The following ELAVL2 variants were observed in gnomAD, a reference collection of about 807,000 sequenced individuals.
ELAVL2 encodes the protein ELAV like RNA binding protein 2, also known as ELAV-like protein 2.
ELAVL2 carries 4 observed loss-of-function variants against 34.6 expected under a neutral mutation model. The observed-to-expected ratio is 0.12, with a 90% CI of 0.06 to 0.26. The LOEUF is 0.26. ELAVL2 is among the 10% of genes least tolerant of loss of function. The probability of loss-of-function intolerance (pLI) is 1.00; values close to 1 mark genes in which losing one functional copy is unlikely to be tolerated. For synonymous variants in ELAVL2, 193 were observed against 154.8 expected (o/e 1.25, Z -1.83); for missense variants, 432 against 442.8 (o/e 0.98, Z 0.22).
chr9:23,763,732 A>C (rs1310285942), intron 1 of ELAVL2, among the ~76,000 whole-genome samples: 1 of 152,136 alleles, frequency 6.6e-6, no homozygotes, highest in Non-Finnish European at 1.5e-5. Context: ...GGACATATTG[A>C]GACTGGTCAG....
chr9:23,786,802 A>AGAG (rs796876123), intron 1 of ELAVL2, among the ~76,000 whole-genome samples: 1 of 127,340 alleles, frequency 7.9e-6, no homozygotes, highest in African/African-American at 3.1e-5. Flanking sequence ...AAAAAAAAAA[A>AGAG]AGAGAGAGAG....
chr9:23,753,358 T>A (rs938900758), intron 2 of ELAVL2, among the ~76,000 whole-genome samples: 2 of 152,206 alleles, frequency 1.3e-5, no homozygotes, highest in East Asian at 3.9e-4. Context: ...TCAGGAATAT[T>A]TGAAAGGAAA....
rs2065276198 is a variant in ELAVL2 at position 23,826,045 on chromosome 9, GGA to G, written c.-257_-256del. On this transcript the variant is annotated 5_prime_UTR_variant, in exon 1 of 7. Transcript: ENST00000397312. ...AACTTAAAAAAGAGTTTAAAAAGACGGAGAGACTACCCTCCTATTGCCGTTCA... is the reference window on the plus strand; with the variant it reads ...AACTTAAAAAAGAGTTTAAAAAGACGGAGACTACCCTCCTATTGCCGTTCA... 1 of 152,164 alleles carries G rather than the reference GGA, an allele frequency of 6.6e-6. No individual in the cohort carries two copies. The highest frequency in any genetic ancestry group is 2.4e-5 in the African/African-American group (1 of 41,424). The allele number at this position is 152,164 out of a possible 1,614,324, so 9.4% of individuals were successfully genotyped here.
intron 3 of ELAVL2, among the ~76,000 whole-genome samples, chr9:23,719,823 CTTTT>C (rs201455930): frequency 3.1e-5 from 4 of 130,516 alleles, no homozygotes; most frequent in African/African-American, 8.4e-5. Context: ...TTAAAAGCCA[CTTTT>C]TTTTTTTTTT....
At chr9:23,790,989 T>C (rs1016050047) in intron 1 of ELAVL2, among the ~76,000 whole-genome samples, 2 of 152,308 alleles carry the variant, frequency 1.3e-5, no homozygotes, top group Admixed American at 6.5e-5. Context: ...AAGACCCTCT[T>C]GACATCTGTG....
chr9:23,840,177 T>C, the ELAVL2 span, among the ~76,000 whole-genome samples: 1 of 152,154 alleles, frequency 6.6e-6, no homozygotes, highest in African/African-American at 2.4e-5. Flanking sequence ...ACCTACCTTT[T>C]AGGGCTGTTG....
chr9:23,757,316 A>C lies in ELAVL2; in HGVS notation c.229+4690T>G, dbSNP rs534154704. 1.1e-4 allele frequency among the ~76,000 whole-genome samples: 16 copies of C among 152,174 alleles called. No individual in the cohort carries two copies. The East Asian group carries it at 3.1e-3, about 30-fold the overall frequency. On this transcript the variant is annotated intron_variant, in intron 2 of 6. Coordinates refer to ENST00000397312, the MANE Select transcript of ELAVL2 (RefSeq NM_004432.5). ...CAGTTGGCCATTTGCTTCATCTTTA[A>C]AGAGTGAGCTCTTGCCTCCAACAAG...
intron 1 of ELAVL2, among the ~76,000 whole-genome samples, chr9:23,778,810 C>T (rs912953730): frequency 6.6e-6 from 1 of 152,148 alleles, no homozygotes; most frequent in Non-Finnish European, 1.5e-5. Context: ...AGCATCAAGT[C>T]TGTGTCACTA....
chr9:23,797,090 T>G (rs2061022372), intron 1 of ELAVL2, among the ~76,000 whole-genome samples: 1 of 152,188 alleles, frequency 6.6e-6, no homozygotes, highest in Admixed American at 6.5e-5. Context: ...ATGTCCTAAT[T>G]TGTACAATAG....
intron 1 of ELAVL2, chr9:23,765,216 G>C: frequency 2.3e-6 from 2 of 870,916 alleles, no homozygotes; most frequent in Non-Finnish European, 3.4e-6. Context: ...ATGCAGTGTG[G>C]CTTAATTGAA....
At chr9:23,727,501 T>G (rs1415610255) in intron 3 of ELAVL2, among the ~76,000 whole-genome samples, 1 of 152,100 alleles carries the variant, frequency 6.6e-6, no homozygotes, top group Non-Finnish European at 1.5e-5. Context: ...AACTGAACTT[T>G]GCACACACAA....
At chr9:23,836,962 T>G in the ELAVL2 span, among the ~76,000 whole-genome samples, 2 of 152,112 alleles carry the variant, frequency 1.3e-5, no homozygotes, top group African/African-American at 4.8e-5. Context: ...AACCAACACA[T>G]AAGCAGGGTT....
intron 2 of ELAVL2, among the ~76,000 whole-genome samples, chr9:23,736,240 C>A (rs1228609142): frequency 6.6e-6 from 1 of 151,946 alleles, no homozygotes; most frequent in Non-Finnish European, 1.5e-5. Context: ...TTAAACAAGA[C>A]CCTCAACACA....
rs545087612 is a variant in ELAVL2, at chr9:23,817,804, C to G, written c.-16+8002G>C. Among the ~76,000 whole-genome samples, 7 of 152,292 alleles carry G rather than the reference C, an allele frequency of 4.6e-5. No homozygotes were observed. In the East Asian group the frequency reaches 1.4e-3, roughly 29 times the overall value. ...AATGTCCTAAGTACCCCACAAAAAT[C>G]TAAGATTTTATTACGCAAACTTTGA... is the stretch of plus-strand genomic sequence containing the variant. On this transcript the variant is annotated intron_variant, in intron 1 of 6. Transcript: ENST00000397312.
chr9:23,808,690 T>A (rs777219417), intron 1 of ELAVL2, among the ~76,000 whole-genome samples: 1 of 152,212 alleles, frequency 6.6e-6, no homozygotes, highest in African/African-American at 2.4e-5. Context: ...CAAATATTCA[T>A]AGGCTATTTA....
At chr9:23,791,155 C>T (rs1005574560) in intron 1 of ELAVL2, among the ~76,000 whole-genome samples, 1 of 152,134 alleles carries the variant, frequency 6.6e-6, no homozygotes, top group African/African-American at 2.4e-5. Context: ...CAAAACTCAA[C>T]TTTAAAAGGC....
At chr9:23,820,471 G>A (rs1210246249) in intron 1 of ELAVL2, among the ~76,000 whole-genome samples, 2 of 152,158 alleles carry the variant, frequency 1.3e-5, no homozygotes, top group Non-Finnish European at 2.9e-5. Context: ...ATGTAGAGAC[G>A]ATAGGACTTG....
At chr9:23,767,168 C>T (rs1456118776) in intron 1 of ELAVL2, among the ~76,000 whole-genome samples, 2 of 152,148 alleles carry the variant, frequency 1.3e-5, no homozygotes, top group Non-Finnish European at 2.9e-5. Context: ...AAGATTGTCT[C>T]TACTTTTATA....
chr9:23,700,079 A>G (rs2133080756), intron 5 of ELAVL2, among the ~76,000 whole-genome samples: 1 of 152,152 alleles, frequency 6.6e-6, no homozygotes, highest in South Asian at 2.1e-4. Context: ...AAATATTCCA[A>G]TGAAAAAAAT....
Sources: gnomAD v4.1 joint callset for allele counts (sites outside exome capture counted in the v4.1 genomes callset) on GRCh38, gnomAD v4.1.1 for gene constraint, MANE v1.5 for transcripts, NCBI Gene and HGNC (gene_info 2026-07-23, HGNC 2026-07-21) for gene names.